The following TCF12 variants were observed in gnomAD, a reference collection of about 807,000 sequenced individuals.
The protein encoded by TCF12 is DNA-binding protein HTF4.
In TCF12, 45 loss-of-function variants were observed where a neutral mutation model predicts 86.0. The observed-to-expected ratio is 0.52, with a 90% CI of 0.41 to 0.67. The LOEUF (loss-of-function observed/expected upper bound fraction) is 0.67. Among genes scored for constraint, TCF12 ranks in the 30% least tolerant of loss-of-function variants. TCF12 has a pLI of 0.00. For synonymous variants in TCF12, 330 were observed against 299.6 expected, an observed-to-expected ratio of 1.10 and a Z score of -1.05; for missense variants, 881 against 859.9, an observed-to-expected ratio of 1.02 and a Z score of -0.31.
At chr15:56,937,560 C>T (rs777768716) in intron 3 of TCF12, among the ~76,000 whole-genome samples, 2 of 151,530 alleles carry the variant, frequency 1.3e-5, no homozygotes, top group African/African-American at 2.4e-5. Context: ...TTTCTCTTGT[C>T]GGGTTCTCTG....
intron 12 of TCF12, among the ~76,000 whole-genome samples, chr15:57,243,096 T>C (rs2059704532): frequency 6.6e-6 from 1 of 152,210 alleles, no homozygotes; most frequent in Non-Finnish European, 1.5e-5. Flanking sequence ...ATAGTATTAA[T>C]AGCTTTCTGA....
At chr15:57,213,482 T>C (rs1408304769) in intron 8 of TCF12, among the ~76,000 whole-genome samples, 1 of 152,204 alleles carries the variant, frequency 6.6e-6, no homozygotes, top group Non-Finnish European at 1.5e-5. Flanking sequence ...AACAAAAATA[T>C]AGATTGGGGA....
intron 5 of TCF12, among the ~76,000 whole-genome samples, chr15:57,119,073 A>G (rs2051039501): frequency 6.6e-6 from 1 of 151,902 alleles, no homozygotes; most frequent in Non-Finnish European, 1.5e-5. Flanking sequence ...TATTTATTTC[A>G]TGCCTACCCT....
At chr15:57,069,487 C>G (rs1327626808) in intron 4 of TCF12, among the ~76,000 whole-genome samples, 3 of 152,128 alleles carry the variant, frequency 2.0e-5, no homozygotes, top group Admixed American at 6.5e-5. Flanking sequence ...TCTTTTTGCT[C>G]TTTCTTCCCT....
rs946821901 is a variant in TCF12 at position 57,089,945 on chromosome 15, T to C, written c.223-1844T>C. ...AGCAAATTCTATGGGCCAGGCATGG[T>C]GGCTCAGGCCTGTAATTCCAGCGCT... is the stretch of plus-strand genomic sequence containing the variant. On this transcript the variant is annotated intron_variant, in intron 4 of 20. Transcript: ENST00000333725. Among the ~76,000 whole-genome samples, 15 of 152,324 alleles carry C rather than the reference T, an allele frequency of 9.8e-5. No homozygotes were observed. The East Asian group carries it at 1.4e-3, about 14-fold the overall frequency.
At chr15:57,027,325 C>CTTCT (rs1191856211) in intron 3 of TCF12, among the ~76,000 whole-genome samples, 2 of 152,098 alleles carry the variant, frequency 1.3e-5, no homozygotes, top group African/African-American at 4.8e-5. Flanking sequence ...TGAAATTGTA[C>CTTCT]AGGATAAACT....
chr15:57,071,632 A>G (rs1304255890), intron 4 of TCF12, among the ~76,000 whole-genome samples: 2 of 152,178 alleles, frequency 1.3e-5, no homozygotes, highest in Non-Finnish European at 2.9e-5. Flanking sequence ...TCTCAAAACA[A>G]AAAACAAAAA....
At chr15:56,953,465 T>TC (rs1433031928) in intron 3 of TCF12, among the ~76,000 whole-genome samples, 1 of 152,074 alleles carries the variant, frequency 6.6e-6, no homozygotes, top group African/African-American at 2.4e-5. Flanking sequence ...TTTCTTTTTT[T>TC]CTAGAGGAGT....
chr15:57,207,862 A>C (rs2057907852), intron 8 of TCF12, among the ~76,000 whole-genome samples: 1 of 151,966 alleles, frequency 6.6e-6, no homozygotes, highest in African/African-American at 2.4e-5. Flanking sequence ...AGATTTAGAA[A>C]ACTTATTTGC....
chr15:57,159,633 A>G (rs2054354429), intron 5 of TCF12, among the ~76,000 whole-genome samples: 2 of 152,258 alleles, frequency 1.3e-5, no homozygotes, highest in African/African-American at 4.8e-5. Context: ...TGAACATAGT[A>G]ATGTTGATCT....
chr15:56,938,986 C>T (rs2060607902), intron 3 of TCF12, among the ~76,000 whole-genome samples: 1 of 152,140 alleles, frequency 6.6e-6, no homozygotes, highest in African/African-American at 2.4e-5. Flanking sequence ...TTACCTTAGC[C>T]AGTCTTATAT....
chr15:57,195,058 G>A (rs2057184981), intron 7 of TCF12, among the ~76,000 whole-genome samples: 2 of 152,002 alleles, frequency 1.3e-5, no homozygotes, highest in Non-Finnish European at 2.9e-5. Flanking sequence ...ACAAGCCACT[G>A]TGCCTGGCTA....
At chr15:57,010,499 A>G (rs1369974840) in intron 3 of TCF12, among the ~76,000 whole-genome samples, 1 of 152,194 alleles carries the variant, frequency 6.6e-6, no homozygotes, top group Non-Finnish European at 1.5e-5. Flanking sequence ...GAAAAAAGGG[A>G]AAAGGAAAGA....
Position 57,166,456 on chromosome 15 carries a change from C to A in TCF12, c.380C>A (p.Pro127Gln). 1 of 1,611,192 alleles carries A rather than the reference C, an allele frequency of 6.2e-7. No individual in the cohort carries two copies. Among genetic ancestry groups the A allele is most frequent in the South Asian group, 1.1e-5 (1 of 90,348 alleles). Residue 127 changes from proline to glutamine, a missense_variant, in exon 6 of 21, where the codon CCA (proline) becomes CAA (glutamine). By Grantham distance (76) the Pro-to-Gln change is moderately conservative. Transcript: ENST00000333725. ...FSLYSRDTGL[P>Q]GCQSSLLRQD... ...CTGTACAGCAGAGATACTGGATTACCAGGCTGTCAAGTAAGTTTAATGATT... is the reference window on the plus strand; with the variant it reads ...CTGTACAGCAGAGATACTGGATTACAAGGCTGTCAAGTAAGTTTAATGATT...
Position 57,055,414 on chromosome 15 carries a change from A to T in TCF12, c.149-8336A>T, listed in dbSNP as rs374485275. ...AAACTCTGTCTCAAAAAATAATAATAATAATGATTATCCTTCAGCCTGAAG... is the reference window on the plus strand; with the variant it reads ...AAACTCTGTCTCAAAAAATAATAATTATAATGATTATCCTTCAGCCTGAAG... On this transcript the variant is annotated intron_variant, in intron 3 of 20. Coordinates refer to ENST00000333725, the MANE Select transcript of TCF12 (RefSeq NM_207037.2). Among the ~76,000 whole-genome samples the T allele has an allele frequency of 2.6e-5, 4 of 152,114 alleles. No individual in the cohort carries two copies. In the East Asian group the frequency reaches 5.8e-4, roughly 22 times the overall value.
chr15:57,075,558 A>G (rs772604482), intron 4 of TCF12, among the ~76,000 whole-genome samples: 1 of 152,144 alleles, frequency 6.6e-6, no homozygotes, highest in Non-Finnish European at 1.5e-5. Context: ...AAGCTATGAT[A>G]AGGATGGCCT....
Position 57,232,752 on chromosome 15 carries a change from C to G in TCF12, c.866C>G (p.Thr289Arg). The G allele has an allele frequency of 6.2e-7, 1 of 1,612,036 alleles. No individual in the cohort carries two copies. The highest frequency in any genetic ancestry group is 8.5e-7 in the Non-Finnish European group (1 of 1,179,064). The change falls in exon 11 of 21, where the codon ACG becomes AGG. Residue 289 changes from threonine (T) to arginine (R), a missense_variant. Thr to Arg is a moderately conservative substitution (Grantham distance 71). This residue lies in a region of TCF12 where 766 missense variants were observed against 718.9 expected (regional missense o/e 1.07). Coordinates refer to ENST00000333725, the MANE Select transcript of TCF12 (RefSeq NM_207037.2). ...TCAGTTTCACCAACAGACATAAACA[C>G]GAGTCTTCCACCAATGTCCAGCTTT... ...PHSVSPTDIN[T>R]SLPPMSSFHR...
At chr15:57,025,241 G>A (rs563463647) in intron 3 of TCF12, among the ~76,000 whole-genome samples, 4 of 152,064 alleles carry the variant, frequency 2.6e-5, no homozygotes, top group South Asian at 4.1e-4. Context: ...TACCATGTGC[G>A]GCTAATTTTT....
At chr15:57,157,553 CT>C (rs761155684) in intron 5 of TCF12, among the ~76,000 whole-genome samples, 3,427 of 137,088 alleles carry the variant, frequency 0.025, 108 homozygotes, top group African/African-American at 0.081. Context: ...TAGTTTACTT[CT>C]TTTTTTTTTT....
Sources: gnomAD v4.1 joint callset for allele counts (sites outside exome capture counted in the v4.1 genomes callset) on GRCh38, gnomAD v4.1.1 for gene constraint, gnomAD v4.1.1 regional missense constraint, MANE v1.5 for transcripts, NCBI Gene and HGNC (gene_info 2026-07-23, HGNC 2026-07-21) for gene names.